The following ARHGAP30 variants were observed in gnomAD, a reference collection of about 807,000 sequenced individuals.
ARHGAP30 encodes the protein Rho GTPase activating protein 30, also known as rho GTPase-activating protein 30.
A neutral mutation model predicts 72.0 loss-of-function variants in ARHGAP30; 23 were observed. The observed-to-expected ratio is 0.32, with a 90% CI of 0.23 to 0.45. The LOEUF (loss-of-function observed/expected upper bound fraction) is 0.45, where lower values mean the gene tolerates loss of function less well. Ranked by LOEUF, ARHGAP30 falls within the 20% of genes least tolerant of loss-of-function variation. The pLI is 1.00. For synonymous variants in ARHGAP30, 576 were observed against 528.2 expected, an observed-to-expected ratio of 1.09 and a Z score of -1.24; for missense variants, 1,319 against 1,383.4, an observed-to-expected ratio of 0.95 and a Z score of 0.74.
rs541168493 is a variant in ARHGAP30, at chr1:161,059,578, C to G, written c.200+36G>C. On this transcript the variant is annotated intron_variant, in intron 2 of 11. Transcript: ENST00000368013. ...CTGTGACCTTCTGGCTCCCTGGCCT[C>G]CTGGTCACAGAGCCCTCCCACTCTG... 1.5e-5 allele frequency: 24 copies of G among 1,569,268 alleles called. No individual in the cohort carries two copies. In the African/African-American group the frequency reaches 2.7e-4, roughly 18 times the overall value.
At chr1:161,068,413 G>C (rs895374684) in intron 1 of ARHGAP30, among the ~76,000 whole-genome samples, 3 of 152,156 alleles carry the variant, frequency 2.0e-5, no homozygotes, top group African/African-American at 7.2e-5. Context: ...CCTCTCACTG[G>C]AGGAGAAAAG....
chr1:161,066,372 T>C (rs1652764676), intron 1 of ARHGAP30, among the ~76,000 whole-genome samples: 1 of 149,734 alleles, frequency 6.7e-6, no homozygotes, highest in African/African-American at 2.5e-5. Flanking sequence ...AGGGGCCTGG[T>C]GTGGTGGCTC....
rs762844674 is a variant in ARHGAP30 at position 161,048,194 on chromosome 1, T to TG, written c.2826dup (p.Lys943GlnfsTer13). The TG allele has an allele frequency of 6.2e-7, 1 of 1,614,122 alleles. No homozygotes were observed. The highest frequency in any genetic ancestry group is 1.1e-5 in the South Asian group (1 of 91,086). On this transcript the variant is annotated frameshift_variant, in exon 12 of 12. Transcript: ENST00000368013. LOFTEE classifies it high-confidence loss of function. The stretch of plus-strand genomic sequence containing the variant: ...CTGGGCATCTTGGCAAACTGTGGCT[T>TG]GGGGGGCACCACAGGCACAGAGCGG...
intron 1 of ARHGAP30, among the ~76,000 whole-genome samples, chr1:161,061,349 A>G (rs1652298453): frequency 6.6e-6 from 1 of 151,788 alleles, no homozygotes; most frequent in African/African-American, 2.4e-5. Flanking sequence ...TATTTTTAGT[A>G]GAGACCGGGT....
intron 2 of ARHGAP30, 70 bp downstream of exon 2, chr1:161,059,544 C>T: frequency 7.4e-7 from 1 of 1,346,340 alleles, no homozygotes; most frequent in Non-Finnish European, 1.0e-6. Flanking sequence ...CTGTCCTCAG[C>T]AACTCTTACT....
chr1:161,064,779 AAAAGAAAGAAAG>A lies in ARHGAP30; in HGVS notation c.97+4737_97+4748del, dbSNP rs201614477. ...AGAAAGAGAAAGAAAGAAAGAAAGA[AAAAGAAAGAAAG>A]AAAGAAAGAAAGAAAGAAAGAAAGA... On this transcript the variant is annotated intron_variant, in intron 1 of 11. Coordinates refer to ENST00000368013, the MANE Select transcript of ARHGAP30 (RefSeq NM_001025598.2). Among the ~76,000 whole-genome samples, 80 of 98,150 alleles carry A rather than the reference AAAAGAAAGAAAG, an allele frequency of 8.2e-4. No individual in the cohort carries two copies. In the Middle Eastern group the frequency reaches 0.019, roughly 24 times the overall value. 64.4% of individuals were successfully genotyped at this position (98,150 alleles called of 152,430 possible).
chr1:161,052,898 T>C, intron 6 of ARHGAP30, 101 bp from the exon 7 acceptor site: 1 of 1,412,886 alleles, frequency 7.1e-7, no homozygotes, highest in Non-Finnish European at 9.5e-7. Context: ...AGGTTAGGGA[T>C]ATATTCAGAA....
chr1:161,056,216 A>G (rs986453554), intron 3 of ARHGAP30, among the ~76,000 whole-genome samples, 172 bp downstream of exon 3: 2 of 152,200 alleles, frequency 1.3e-5, no homozygotes, highest in African/African-American at 4.8e-5. Flanking sequence ...GGACAAAGGT[A>G]GTAGGGGCTA....
Position 161,055,865 on chromosome 1 carries a change from TAAAATAAAATAAAATAA to T in ARHGAP30, c.345+506_345+522del, listed in dbSNP as rs1390632478. On this transcript the variant is annotated intron_variant, in intron 3 of 11. Coordinates refer to ENST00000368013, the MANE Select transcript of ARHGAP30 (RefSeq NM_001025598.2). ...AATAAATAAAATAAAATAAATAAAA[TAAAATAAAATAAAATAA>T]AAATAAATAAAATAAAATAAAATAA... 1.3e-3 allele frequency among the ~76,000 whole-genome samples: 152 copies of T among 121,416 alleles called. 1 individual carries two copies. Among genetic ancestry groups the T allele is most frequent in the African/African-American group, 4.2e-3 (114 of 26,854 alleles). The allele number at this position is 121,416 out of a possible 152,430, so 79.7% of individuals were successfully genotyped here.
At chr1:161,053,097 T>C in intron 6 of ARHGAP30, 161 bp downstream of exon 6, 1 of 1,118,620 alleles carries the variant, frequency 8.9e-7, no homozygotes, top group South Asian at 1.6e-5. Context: ...AGAAGTCTTC[T>C]CAAGTCCTGA....
intron 1 of ARHGAP30, among the ~76,000 whole-genome samples, chr1:161,067,426 T>G (rs1225873061): frequency 6.6e-6 from 1 of 151,738 alleles, no homozygotes; most frequent in Non-Finnish European, 1.5e-5. Context: ...AAAAATTAGC[T>G]GGGTGTGGTG....
At chr1:161,062,019 T>A (rs544697792) in intron 1 of ARHGAP30, among the ~76,000 whole-genome samples, 16 of 151,902 alleles carry the variant, frequency 1.1e-4, no homozygotes, top group African/African-American at 3.4e-4. Context: ...ACCCGGGAGG[T>A]GGAGGTTGCA....
chr1:161,064,815 GAAAGAAAGAAAGAAAGAGAAAGAA>G (rs1652602360), intron 1 of ARHGAP30, among the ~76,000 whole-genome samples: 1 of 61,032 alleles, frequency 1.6e-5, no homozygotes, highest in Admixed American at 1.7e-4. Context: ...AAGAAAGAAA[GAAAGAAAGAAAGAAAGAGAAAGAA>G]AGAAAGAAAG....
intron 1 of ARHGAP30, among the ~76,000 whole-genome samples, chr1:161,065,741 A>G (rs1652708972): frequency 6.6e-6 from 1 of 151,476 alleles, no homozygotes; most frequent in Admixed American, 6.6e-5. Context: ...TAATTTTTAT[A>G]TTTCTAGTAG....
chr1:161,055,886 T>TA (rs1383153576), intron 3 of ARHGAP30, among the ~76,000 whole-genome samples: 32 of 55,358 alleles, frequency 5.8e-4, no homozygotes, highest in Non-Finnish European at 1.0e-3. Context: ...AAAATAAAAA[T>TA]AAATAAAATA....
rs1361551603 is a variant in ARHGAP30, at chr1:161,049,077, A to G, written c.1944T>C (p.Gly648=). 2.5e-6 allele frequency: 4 copies of G among 1,612,990 alleles called. No homozygotes were observed. The highest frequency in any genetic ancestry group is 3.4e-6 in the Non-Finnish European group (4 of 1,179,684). ...AGCGRQALGQ[G]GEEQACWEVG... ...CTTCCCAGCATGCCTGCTCTTCCCC[A>G]CCCTGTCCCAGAGCCTGCCTTCCAC... The change falls in exon 12 of 12, where the codon GGT becomes GGC. Residue 648 remains glycine (G), a synonymous_variant. Coordinates refer to ENST00000368013, the MANE Select transcript of ARHGAP30 (RefSeq NM_001025598.2).
At chr1:161,058,602 G>A (rs189230102) in intron 2 of ARHGAP30, among the ~76,000 whole-genome samples, 104 of 149,254 alleles carry the variant, frequency 7.0e-4, no homozygotes, top group African/African-American at 2.4e-3. Context: ...ACTCCACCCT[G>A]GGCAACAGAG....
chr1:161,067,967 G>A (rs932622526), intron 1 of ARHGAP30, among the ~76,000 whole-genome samples: 8 of 149,246 alleles, frequency 5.4e-5, no homozygotes, highest in Non-Finnish European at 1.0e-4. Flanking sequence ...TCCTGCTCTC[G>A]GATTCACCTA....
chr1:161,064,840 A>G (rs1466023247), intron 1 of ARHGAP30, among the ~76,000 whole-genome samples: 4 of 112,026 alleles, frequency 3.6e-5, no homozygotes, highest in Non-Finnish European at 5.3e-5. Context: ...AGAGAAAGAA[A>G]GAAAGAAAGG....
Sources: allele counts gnomAD v4.1 joint callset (sites outside exome capture counted in the v4.1 genomes callset), GRCh38; gene constraint gnomAD v4.1.1; transcripts MANE v1.5; gene names NCBI Gene and HGNC (gene_info 2026-07-23, HGNC 2026-07-21).